Variants in LRP1B observed in about 807,000 individuals in gnomAD.
LRP1B encodes low-density lipoprotein receptor-related protein 1B.
LRP1B carries 217 observed loss-of-function variants against 556.6 expected under a neutral mutation model. The observed-to-expected ratio is 0.39, with a 90% CI of 0.35 to 0.44. LRP1B has a LOEUF of 0.44. Among genes scored for constraint, LRP1B ranks in the 20% least tolerant of loss-of-function variants. The pLI, the probability that LRP1B is intolerant of heterozygous loss-of-function variation, is 1.00. For synonymous variants in LRP1B, 2,047 were observed against 1,865.8 expected (o/e 1.10, Z -2.50); for missense variants, 5,053 against 5,620.8 (o/e 0.90, Z 3.23).
chr2:141,708,299 G>A (rs1692226313), intron 2 of LRP1B, among the ~76,000 whole-genome samples: 1 of 151,974 alleles, frequency 6.6e-6, no homozygotes, highest in African/African-American at 2.4e-5. Flanking sequence ...TGATATCAAA[G>A]GGGTGATAGA....
At chr2:141,642,015 C>G (rs1465582943) in intron 2 of LRP1B, among the ~76,000 whole-genome samples, 1 of 151,890 alleles carries the variant, frequency 6.6e-6, no homozygotes, top group Non-Finnish European at 1.5e-5. Flanking sequence ...AAAACCCCCC[C>G]CCAAAAAACA....
intron 2 of LRP1B, among the ~76,000 whole-genome samples, chr2:141,544,344 T>TTC (rs1559131286): frequency 1.9e-4 from 16 of 82,472 alleles, no homozygotes; most frequent in African/African-American, 7.2e-4. Context: ...CTTCTTCTTC[T>TTC]TCTTCTTCTT....
chr2:141,146,855 A>AAAAAG (rs1185203220), intron 7 of LRP1B, among the ~76,000 whole-genome samples: 2 of 152,320 alleles, frequency 1.3e-5, no homozygotes, highest in African/African-American at 4.8e-5. Context: ...AGTAACAAGT[A>AAAAAG]AAAAGACGAG....
chr2:140,288,445 C>T (rs1340733416), intron 84 of LRP1B, among the ~76,000 whole-genome samples: 1 of 151,532 alleles, frequency 6.6e-6, no homozygotes, highest in Non-Finnish European at 1.5e-5. Context: ...GTAGACATTC[C>T]AAATTTGATA....
chr2:141,865,573 C>T (rs1698384358), intron 1 of LRP1B, among the ~76,000 whole-genome samples: 1 of 109,958 alleles, frequency 9.1e-6, no homozygotes, highest in Non-Finnish European at 1.7e-5. Flanking sequence ...GCCTGGGCGA[C>T]AGAGCGAGAC....
intron 66 of LRP1B, among the ~76,000 whole-genome samples, chr2:140,391,774 TA>T (rs1684031825): frequency 6.6e-6 from 1 of 152,144 alleles, no homozygotes; most frequent in African/African-American, 2.4e-5. Flanking sequence ...AAAAAGTACA[TA>T]CAAAGTACAT....
chr2:142,123,728 A>G (rs998820484), intron 1 of LRP1B, among the ~76,000 whole-genome samples: 1 of 151,696 alleles, frequency 6.6e-6, no homozygotes. Context: ...TACTTTCTCA[A>G]CTTCTGTAAA....
chr2:140,575,317 T>C (rs752187374), intron 43 of LRP1B, among the ~76,000 whole-genome samples: 2 of 152,212 alleles, frequency 1.3e-5, no homozygotes, highest in Non-Finnish European at 2.9e-5. Flanking sequence ...AACTAAATGC[T>C]AACTCTCCCT....
intron 1 of LRP1B, among the ~76,000 whole-genome samples, chr2:141,861,373 G>A (rs190994285): frequency 1.3e-5 from 2 of 152,228 alleles, no homozygotes; most frequent in Admixed American, 1.3e-4. Flanking sequence ...TCTACAATAT[G>A]TGACTTCCAT....
intron 2 of LRP1B, among the ~76,000 whole-genome samples, chr2:141,689,579 G>A (rs1691439110): frequency 6.6e-6 from 1 of 151,672 alleles, no homozygotes; most frequent in African/African-American, 2.4e-5. Context: ...ATTGTTTAGA[G>A]AAACAAAACT....
intron 41 of LRP1B, among the ~76,000 whole-genome samples, chr2:140,695,179 A>C (rs529623081): frequency 2.0e-4 from 31 of 151,552 alleles, no homozygotes; most frequent in South Asian, 4.2e-4. Flanking sequence ...TTTAGTACTC[A>C]CTTCTCTCTA....
At chr2:141,756,216 G>T (rs1694313235) in intron 2 of LRP1B, among the ~76,000 whole-genome samples, 2 of 151,972 alleles carry the variant, frequency 1.3e-5, no homozygotes, top group African/African-American at 4.8e-5. Flanking sequence ...TCAGTATGTT[G>T]ATATTTGAAA....
chr2:140,851,601 G>T (rs2105121107), intron 28 of LRP1B, 51 bp downstream of exon 28: 1 of 1,573,904 alleles, frequency 6.4e-7, no homozygotes, highest in African/African-American at 1.4e-5. Flanking sequence ...AATATAATTT[G>T]AGAGAATTCA....
intron 83 of LRP1B, among the ~76,000 whole-genome samples, chr2:140,303,012 CATATATATATATATATATATATATAT>C (rs59878403): frequency 7.2e-5 from 6 of 82,838 alleles, no homozygotes; most frequent in African/African-American, 2.5e-4. Flanking sequence ...AAATCTCCTT[CATATATATATATATATATATATATAT>C]ATATATATAT....
intron 1 of LRP1B, among the ~76,000 whole-genome samples, chr2:142,038,859 A>G (rs1054890726): frequency 6.6e-6 from 1 of 151,584 alleles, no homozygotes; most frequent in East Asian, 1.9e-4. Flanking sequence ...TTTATATTGA[A>G]TAGTAGAAAA....
intron 32 of LRP1B, among the ~76,000 whole-genome samples, chr2:140,782,740 AAG>A (rs1383404247): frequency 4.6e-5 from 7 of 151,056 alleles, no homozygotes; most frequent in Non-Finnish European, 4.4e-5. Flanking sequence ...TCTTCTCCAA[AAG>A]AGAGAGAGAG....
At chr2:141,731,105 C>T (rs1440473425) in intron 2 of LRP1B, among the ~76,000 whole-genome samples, 1 of 152,076 alleles carries the variant, frequency 6.6e-6, no homozygotes, top group Non-Finnish European at 1.5e-5. Context: ...AAACAAAGAC[C>T]ATTTGCTAAG....
chr2:140,272,158 A>G lies in LRP1B; in HGVS notation c.13143-1812T>C, dbSNP rs80237013. Among the ~76,000 whole-genome samples, 1,497 of 152,020 alleles carry G rather than the reference A, an allele frequency of 9.8e-3. 60 individuals are homozygous for G. The East Asian group carries it at 0.13, about 13-fold the overall frequency. ...GACATTTTAAATGTGAAATACAAAT[A>G]GTTAAAATCATTACAATACATCAAA... On this transcript the variant is annotated intron_variant, in intron 85 of 90. Coordinates refer to ENST00000389484, the MANE Select transcript of LRP1B (RefSeq NM_018557.3).
chr2:141,842,634 A>G (rs1354214295), intron 1 of LRP1B, among the ~76,000 whole-genome samples: 1 of 152,134 alleles, frequency 6.6e-6, no homozygotes, highest in Admixed American at 6.5e-5. Context: ...AATGTGTCAC[A>G]CTGTAAGTGG....
Sources: gnomAD v4.1 joint callset for allele counts (sites outside exome capture counted in the v4.1 genomes callset) on GRCh38, gnomAD v4.1.1 for gene constraint, MANE v1.5 for transcripts, NCBI Gene and HGNC (gene_info 2026-07-23, HGNC 2026-07-21) for gene names.